GABRG3: variants seen among roughly 807,000 people sequenced by gnomAD.
GABRG3 encodes gamma-aminobutyric acid receptor subunit gamma-3.
In GABRG3, 25 loss-of-function variants were observed where a neutral mutation model predicts 48.8. That is an observed-to-expected ratio of 0.51 (90% CI 0.37 to 0.72). The LOEUF (loss-of-function observed/expected upper bound fraction) is 0.72. GABRG3 is among the 30% of genes least tolerant of loss of function. The pLI, the probability that GABRG3 is intolerant of heterozygous loss-of-function variation, is 0.00. For synonymous variants in GABRG3, 227 were observed against 217.6 expected, an observed-to-expected ratio of 1.04 and a Z score of -0.38; for missense variants, 394 against 577.9, an observed-to-expected ratio of 0.68 and a Z score of 3.26.
chr15:27,064,100 A>G (rs1896697217), intron 3 of GABRG3, among the ~76,000 whole-genome samples: 2 of 151,448 alleles, frequency 1.3e-5, no homozygotes, highest in Admixed American at 1.3e-4. Context: ...TGGAGAGAGA[A>G]ATGGAAGGAA....
intron 3 of GABRG3, among the ~76,000 whole-genome samples, chr15:27,029,018 C>T (rs1430942754): frequency 6.6e-6 from 1 of 152,152 alleles, no homozygotes; most frequent in Non-Finnish European, 1.5e-5. Context: ...CACCAGCATC[C>T]TGCTCATCTG....
chr15:27,286,319 T>C (rs959623266), intron 3 of GABRG3, among the ~76,000 whole-genome samples: 7 of 152,220 alleles, frequency 4.6e-5, no homozygotes, highest in Non-Finnish European at 7.3e-5. Context: ...ATGGTTCAGT[T>C]TGGAAGGTCC....
chr15:27,066,658 G>A (rs1048461419), intron 3 of GABRG3, among the ~76,000 whole-genome samples: 1 of 152,028 alleles, frequency 6.6e-6, no homozygotes, highest in Non-Finnish European at 1.5e-5. Context: ...GAATGTGTGG[G>A]CTGACCACAG....
At chr15:27,469,920 T>C (rs2150839817) in intron 5 of GABRG3, among the ~76,000 whole-genome samples, 1 of 152,310 alleles carries the variant, frequency 6.6e-6, no homozygotes, top group Middle Eastern at 3.4e-3. Context: ...CCTGCTGCCT[T>C]GACGACATAA....
chr15:27,320,722 G>A (rs1466268849), intron 3 of GABRG3, among the ~76,000 whole-genome samples: 1 of 152,050 alleles, frequency 6.6e-6, no homozygotes, highest in East Asian at 1.9e-4. Context: ...TGATGAAGGA[G>A]GGCCAGTGGT....
intron 5 of GABRG3, among the ~76,000 whole-genome samples, chr15:27,465,182 C>G (rs1889568144): frequency 6.6e-6 from 1 of 152,186 alleles, no homozygotes; most frequent in Non-Finnish European, 1.5e-5. Flanking sequence ...CGTCAGCCCA[C>G]TTGCCTCAGC....
In GABRG3 at chr15:26,975,417, A is replaced by G. The variant is rs1894922129; in HGVS notation, c.54-1585A>G. Among the ~76,000 whole-genome samples the G allele has an allele frequency of 6.6e-6, 1 of 152,196 alleles. No individual in the cohort carries two copies. Among genetic ancestry groups the G allele is most frequent in the Admixed American group, 6.5e-5 (1 of 15,284 alleles). On this transcript the variant is annotated intron_variant, in intron 1 of 9. Transcript: ENST00000615808. This position sits in a 1 kb window ranked among gnomAD's most constrained non-coding sequence, Gnocchi z 4.6. ...ACTCAAGAAATAGAGTTATACTTTA[A>G]GATCAGCCTAGGAAAAACGTAAGTG...
At chr15:27,511,241 T>C (rs1181749417) in intron 6 of GABRG3, among the ~76,000 whole-genome samples, 2 of 152,208 alleles carry the variant, frequency 1.3e-5, no homozygotes, top group South Asian at 2.1e-4. Context: ...CAGAGTTTTG[T>C]AAACAATAGA....
chr15:27,196,431 G>C (rs1888498586), intron 3 of GABRG3, among the ~76,000 whole-genome samples: 1 of 152,070 alleles, frequency 6.6e-6, no homozygotes, highest in African/African-American at 2.4e-5. Context: ...GCTCAGCCTT[G>C]CCATTTCTTT....
chr15:27,122,826 A>G (rs544483495), intron 3 of GABRG3, among the ~76,000 whole-genome samples: 1 of 152,014 alleles, frequency 6.6e-6, no homozygotes, highest in Non-Finnish European at 1.5e-5. Flanking sequence ...AGCAGCGGAG[A>G]CCCCCTTCAC....
At chr15:27,009,372 T>C (rs1004824458) in intron 2 of GABRG3, among the ~76,000 whole-genome samples, 3 of 152,192 alleles carry the variant, frequency 2.0e-5, no homozygotes, top group African/African-American at 7.2e-5. Flanking sequence ...CCAAGATATT[T>C]GCATTTTTGT....
chr15:27,210,080 G>C (rs1449231608), intron 3 of GABRG3, among the ~76,000 whole-genome samples: 1 of 152,144 alleles, frequency 6.6e-6, no homozygotes, highest in Non-Finnish European at 1.5e-5. Context: ...ATATGAATTT[G>C]GGGGGACACA....
At chr15:27,284,657 C>T (rs538894048) in intron 3 of GABRG3, among the ~76,000 whole-genome samples, 10 of 152,186 alleles carry the variant, frequency 6.6e-5, no homozygotes, top group African/African-American at 2.4e-4. Context: ...CCTCAGAGTC[C>T]AGATAAGCAA....
intron 3 of GABRG3, among the ~76,000 whole-genome samples, chr15:27,118,375 C>G (rs1393688243): frequency 6.6e-6 from 1 of 152,184 alleles, no homozygotes; most frequent in Admixed American, 6.5e-5. Context: ...CTCCGAACAA[C>G]ATGTCACTCA....
At chr15:27,078,092 T>C (rs1896938515) in intron 3 of GABRG3, among the ~76,000 whole-genome samples, 1 of 152,196 alleles carries the variant, frequency 6.6e-6, no homozygotes, top group Non-Finnish European at 1.5e-5. Flanking sequence ...CTGGGGGCCA[T>C]GGAGTGCCGG....
intron 2 of GABRG3, among the ~76,000 whole-genome samples, chr15:26,979,278 TC>T (rs1010629791): frequency 1.8e-4 from 27 of 152,336 alleles, no homozygotes; most frequent in African/African-American, 6.5e-4. Flanking sequence ...ACCATCATTG[TC>T]ATCTGCAAAT....
At chr15:27,372,646 C>A (rs542421039) in intron 5 of GABRG3, among the ~76,000 whole-genome samples, 9 of 152,260 alleles carry the variant, frequency 5.9e-5, no homozygotes, top group African/African-American at 2.2e-4. Context: ...CTTGCCTTGG[C>A]CTTCCGAAGT....
intron 3 of GABRG3, among the ~76,000 whole-genome samples, chr15:27,217,387 G>A (rs973735042): frequency 6.6e-6 from 1 of 152,182 alleles, no homozygotes; most frequent in Non-Finnish European, 1.5e-5. Flanking sequence ...ATCTGACGGA[G>A]AGCTTGATGT....
Position 27,388,274 on chromosome 15 carries a change from GGT to G in GABRG3, c.574+59387_574+59388del, listed in dbSNP as rs1566818262. ...GGAAGGAAGGAAAGGAGGGAGGGAG[GGT>G]AAGGAAGGAAGGAAGAAAAGAAGGA... On this transcript the variant is annotated intron_variant, in intron 5 of 9. Coordinates refer to ENST00000615808, the MANE Select transcript of GABRG3 (RefSeq NM_033223.5). Among the ~76,000 whole-genome samples the G allele has an allele frequency of 6.8e-4, 40 of 58,700 alleles. 4 individuals carry two copies. Among genetic ancestry groups the G allele is most frequent in the East Asian group, 3.4e-3 (4 of 1,162 alleles). The allele number at this position is 58,700 out of a possible 152,430, so 38.5% of individuals were successfully genotyped here.
Sources: gnomAD v4.1 joint callset for allele counts (sites outside exome capture counted in the v4.1 genomes callset) on GRCh38, gnomAD v4.1.1 for gene constraint, Gnocchi (gnomAD v3.1) non-coding constraint, MANE v1.5 for transcripts, NCBI Gene and HGNC (gene_info 2026-07-23, HGNC 2026-07-21) for gene names.